UNC13C: variants seen among roughly 807,000 people sequenced by gnomAD.
UNC13C encodes the protein protein unc-13 homolog C.
A neutral mutation model predicts 245.4 loss-of-function variants in UNC13C; 174 were observed. The observed-to-expected ratio is 0.71, with a 90% CI of 0.63 to 0.80. UNC13C has a LOEUF of 0.80. UNC13C is among the 30% of genes least tolerant of loss of function. The probability of loss-of-function intolerance (pLI) is 0.00; values close to 1 mark genes in which losing one functional copy is unlikely to be tolerated. For missense variants in UNC13C, 2,829 were observed against 2,602.9 expected (o/e 1.09, Z -1.89); for synonymous variants, 992 against 895.1 (o/e 1.11, Z -1.93).
intron 17 of UNC13C, among the ~76,000 whole-genome samples, chr15:54,362,899 A>G (rs2039268668): frequency 1.3e-5 from 2 of 152,344 alleles, no homozygotes; most frequent in South Asian, 4.1e-4. Flanking sequence ...AAGAAGGCAT[A>G]TAAAGAATAG....
the UNC13C span, among the ~76,000 whole-genome samples, chr15:53,843,445 G>C: frequency 6.6e-6 from 1 of 152,148 alleles, no homozygotes; most frequent in Non-Finnish European, 1.5e-5. Context: ...CTGGGCAGCA[G>C]AGTGAAATCT....
intron 18 of UNC13C, among the ~76,000 whole-genome samples, chr15:54,395,728 T>C (rs959823070): frequency 1.3e-5 from 2 of 151,830 alleles, no homozygotes. Context: ...GAGAAATCAT[T>C]GTAGGCTTTT....
intron 18 of UNC13C, among the ~76,000 whole-genome samples, chr15:54,406,959 TC>T (rs775437565): frequency 2.0e-5 from 3 of 152,152 alleles, no homozygotes; most frequent in African/African-American, 4.8e-5. Context: ...GTCAGGCGTG[TC>T]AAGAAATAAT....
chr15:54,553,326 T>A (rs1285566578), intron 28 of UNC13C, among the ~76,000 whole-genome samples: 1 of 120,796 alleles, frequency 8.3e-6, no homozygotes, highest in Non-Finnish European at 1.6e-5. Context: ...ATATTATATA[T>A]AATATATAAT....
chr15:54,455,238 T>TATATATATATATATATA (rs1416569966), intron 19 of UNC13C, among the ~76,000 whole-genome samples: 1 of 70,144 alleles, frequency 1.4e-5, no homozygotes, highest in Non-Finnish European at 2.8e-5. Context: ...TATATATATA[T>TATATATATATATATATA]GTTTTTTAAT....
intron 26 of UNC13C, among the ~76,000 whole-genome samples, chr15:54,540,527 C>T (rs533258374): frequency 6.6e-6 from 1 of 152,022 alleles, no homozygotes; most frequent in African/African-American, 2.4e-5. Flanking sequence ...TGCTAGTTTG[C>T]CATTATTTTC....
intron 4 of UNC13C, among the ~76,000 whole-genome samples, chr15:54,180,692 T>A (rs1389565079): frequency 6.6e-6 from 1 of 151,978 alleles, no homozygotes; most frequent in Non-Finnish European, 1.5e-5. Context: ...GCCATTCTGA[T>A]TGGTGTGAAA....
intron 2 of UNC13C, among the ~76,000 whole-genome samples, chr15:54,087,685 A>G (rs890111637): frequency 2.4e-4 from 37 of 152,174 alleles, no homozygotes; most frequent in African/African-American, 8.7e-4. Context: ...CCTAGAGAAC[A>G]GTTGCTTTAG....
At chr15:54,099,892 C>T (rs1239408930) in intron 2 of UNC13C, among the ~76,000 whole-genome samples, 1 of 151,894 alleles carries the variant, frequency 6.6e-6, no homozygotes, top group South Asian at 2.1e-4. Context: ...GTCAGGAGTT[C>T]GAAATCAGCC....
chr15:53,987,853 C>G (rs191186018), intron 1 of UNC13C, among the ~76,000 whole-genome samples: 166 of 152,160 alleles, frequency 1.1e-3, no homozygotes, highest in African/African-American at 3.8e-3. Flanking sequence ...TTTCCTGTCT[C>G]AAGTTGCTGC....
At chr15:54,115,993 T>C (rs889303912) in intron 2 of UNC13C, among the ~76,000 whole-genome samples, 3 of 152,142 alleles carry the variant, frequency 2.0e-5, no homozygotes, top group Non-Finnish European at 4.4e-5. Flanking sequence ...ATAGTCATTT[T>C]AAATTTTTTT....
the UNC13C span, among the ~76,000 whole-genome samples, chr15:53,852,719 CAT>C: frequency 6.6e-6 from 1 of 152,124 alleles, no homozygotes; most frequent in South Asian, 2.1e-4. Context: ...TCTCTGCCGT[CAT>C]AGCCCTGCAC....
rs193231531 is a variant in UNC13C at position 54,479,449 on chromosome 15, A to T, written c.4934-15159A>T. 1.1e-4 allele frequency among the ~76,000 whole-genome samples: 16 copies of T among 152,124 alleles called. No individual in the cohort carries two copies. In the East Asian group the frequency reaches 3.1e-3, roughly 29 times the overall value. ...ATAATTTTTTAATTCCTTCACATTCAGTCTATATGTATCTTTACAGGTGGA... is the reference window on the plus strand; with the variant it reads ...ATAATTTTTTAATTCCTTCACATTCTGTCTATATGTATCTTTACAGGTGGA... On this transcript the variant is annotated intron_variant, in intron 19 of 32. Transcript: ENST00000260323.
chr15:53,860,664 C>G, the UNC13C span, among the ~76,000 whole-genome samples: 1 of 152,220 alleles, frequency 6.6e-6, no homozygotes, highest in Non-Finnish European at 1.5e-5. Context: ...CTAATCCTTT[C>G]AAACCATTCA....
At chr15:53,901,133 G>T in the UNC13C span, among the ~76,000 whole-genome samples, 1 of 150,456 alleles carries the variant, frequency 6.6e-6, no homozygotes, top group African/African-American at 2.4e-5. Flanking sequence ...TAACATAATA[G>T]TCATGGGTTT....
the UNC13C span, among the ~76,000 whole-genome samples, chr15:53,927,287 T>G: frequency 6.6e-6 from 1 of 152,154 alleles, no homozygotes. Context: ...GTTAGTTCCA[T>G]GGAGATCACT....
At chr15:54,449,145 C>CTGTT (rs2141004174) in intron 19 of UNC13C, among the ~76,000 whole-genome samples, 2 of 152,350 alleles carry the variant, frequency 1.3e-5, no homozygotes, top group East Asian at 3.9e-4. Context: ...GAGAGATCCA[C>CTGTT]TGTTAGTCTT....
At chr15:53,973,574 A>G (rs1893604724), upstream of UNC13C, among the ~76,000 whole-genome samples, 1 of 141,636 alleles carries the variant, frequency 7.1e-6, no homozygotes, top group Admixed American at 7.4e-5. Context: ...AGTTTCCTGA[A>G]TCAACAAAAT....
At chr15:54,593,974 TC>T (rs1386552653) in intron 30 of UNC13C, among the ~76,000 whole-genome samples, 1 of 152,168 alleles carries the variant, frequency 6.6e-6, no homozygotes, top group Non-Finnish European at 1.5e-5. Context: ...AGAGGGAAGG[TC>T]TAGGGCTGAA....
Sources: allele counts gnomAD v4.1 joint callset (sites outside exome capture counted in the v4.1 genomes callset), GRCh38; gene constraint gnomAD v4.1.1; transcripts MANE v1.5; gene names NCBI Gene and HGNC (gene_info 2026-07-23, HGNC 2026-07-21).